Variants in SCD5 observed in about 807,000 individuals in gnomAD.
SCD5 encodes stearoyl-CoA desaturase 5, also known as acyl-CoA-desaturase 4.
In SCD5, 20 loss-of-function variants were observed where a neutral mutation model predicts 30.4. The ratio of observed to expected loss-of-function variants is 0.66; its 90% CI spans 0.46 to 0.96. The LOEUF is 0.96. Among genes scored for constraint, SCD5 ranks in the 40% least tolerant of loss-of-function variants. The pLI, the probability that SCD5 is intolerant of heterozygous loss-of-function variation, is 0.00. For missense variants in SCD5, 381 were observed against 443.3 expected, an observed-to-expected ratio of 0.86 and a Z score of 1.26; for synonymous variants, 173 against 176.4, an observed-to-expected ratio of 0.98 and a Z score of 0.16.
chr4:82,683,683 G>A (rs1326524002), intron 2 of SCD5, among the ~76,000 whole-genome samples: 1 of 152,192 alleles, frequency 6.6e-6, no homozygotes, highest in Non-Finnish European at 1.5e-5. Flanking sequence ...TGTGTTGAGG[G>A]AAGGACCTGG....
intron 1 of SCD5, among the ~76,000 whole-genome samples, chr4:82,762,320 T>C (rs1349550987): frequency 6.6e-6 from 1 of 151,560 alleles, no homozygotes; most frequent in Admixed American, 6.6e-5. Flanking sequence ...TGGTGTGACC[T>C]TGGCTCACTG....
In SCD5 at chr4:82,636,737, G is replaced by A. The variant is rs147312360; in HGVS notation, c.656C>T (p.Ser219Phe). The change falls in exon 4 of 5, where the codon TCC becomes TTC. Residue 219 changes from serine (S) to phenylalanine (F), a missense_variant. Coordinates refer to ENST00000319540, the MANE Select transcript of SCD5 (RefSeq NM_001037582.3). ...WYIWGESLWN[S>F]YFLASILRYT... ...GCGGAGAATAGAGGCCAAGAAGTAG[G>A]AATTCCACAGACTCTCTCCCCAGAT... The A allele has an allele frequency of 8.7e-6, 14 of 1,614,126 alleles. No individual in the cohort carries two copies. The highest frequency in any genetic ancestry group is 1.1e-5 in the Non-Finnish European group (13 of 1,180,048).
At chr4:82,660,929 CG>C in intron 3 of SCD5, 1 of 1,614,118 alleles carries the variant, frequency 6.2e-7, no homozygotes, top group Non-Finnish European at 8.5e-7. Context: ...CAGCACTTTT[CG>C]GAGTGGTTAC....
chr4:82,788,830 C>T (rs969949136), intron 1 of SCD5, among the ~76,000 whole-genome samples: 5 of 152,142 alleles, frequency 3.3e-5, no homozygotes, highest in African/African-American at 9.7e-5. Flanking sequence ...ATGTGCTGCC[C>T]GGAACTCTGG....
chr4:82,700,408 G>GA (rs1719803629), intron 2 of SCD5, among the ~76,000 whole-genome samples: 1 of 151,982 alleles, frequency 6.6e-6, no homozygotes, highest in South Asian at 2.1e-4. Context: ...TCAAACTGCA[G>GA]AAAATCAAAG....
chr4:82,636,895 G>T (rs1727445125), intron 3 of SCD5, 72 bp from the exon 4 acceptor site: 1 of 1,299,102 alleles, frequency 7.7e-7, no homozygotes, highest in Non-Finnish European at 1.1e-6. Flanking sequence ...CAAGTCACAG[G>T]AAAAGTCAGA....
chr4:82,763,329 T>C (rs1390155295), intron 1 of SCD5, among the ~76,000 whole-genome samples: 4 of 152,086 alleles, frequency 2.6e-5, no homozygotes, highest in Non-Finnish European at 5.9e-5. Context: ...CTGGCCAACA[T>C]GGTGAAACCC....
intron 2 of SCD5, among the ~76,000 whole-genome samples, chr4:82,691,421 G>A (rs1456106561): frequency 6.6e-6 from 1 of 152,166 alleles, no homozygotes; most frequent in Admixed American, 6.5e-5. Context: ...TAGAGGGAAG[G>A]ACTTGGAACA....
intron 2 of SCD5, 110 bp downstream of exon 2, chr4:82,705,173 G>T: frequency 1.5e-6 from 2 of 1,379,112 alleles, no homozygotes; most frequent in South Asian, 1.4e-5. Flanking sequence ...CTTGGGGCCT[G>T]AACACTGAGT....
intron 1 of SCD5, among the ~76,000 whole-genome samples, chr4:82,770,471 C>G (rs1189364500): frequency 6.6e-6 from 1 of 152,192 alleles, no homozygotes; most frequent in African/African-American, 2.4e-5. Context: ...TCTTACTATA[C>G]TTTCAGAGTA....
intron 2 of SCD5, among the ~76,000 whole-genome samples, chr4:82,686,435 T>C (rs1253681642): frequency 6.6e-6 from 1 of 152,214 alleles, no homozygotes; most frequent in African/African-American, 2.4e-5. Context: ...GAGCACTACA[T>C]ATCAAAAACC....
chr4:82,771,268 G>A (rs1264648176), intron 1 of SCD5, among the ~76,000 whole-genome samples: 1 of 152,062 alleles, frequency 6.6e-6, no homozygotes, highest in Non-Finnish European at 1.5e-5. Context: ...TGAGCTGACT[G>A]GTAGCTGGTT....
intron 1 of SCD5, chr4:82,775,637 G>A (rs1019671094): frequency 6.6e-6 from 1 of 152,252 alleles, no homozygotes; most frequent in Non-Finnish European, 1.5e-5. Flanking sequence ...GAGATACAAG[G>A]ATCACTTGAG....
intron 2 of SCD5, among the ~76,000 whole-genome samples, chr4:82,701,108 T>C (rs1396484625): frequency 6.6e-6 from 1 of 152,208 alleles, no homozygotes; most frequent in Non-Finnish European, 1.5e-5. Flanking sequence ...AAATTGGGAA[T>C]ACACTGTTAG....
At chr4:82,700,001 G>C (rs991085552) in intron 2 of SCD5, among the ~76,000 whole-genome samples, 1 of 151,818 alleles carries the variant, frequency 6.6e-6, no homozygotes, top group Non-Finnish European at 1.5e-5. Flanking sequence ...TGGATCACTT[G>C]AGGCCAGGAG....
At chr4:82,735,061 G>A (rs1337153637) in intron 1 of SCD5, among the ~76,000 whole-genome samples, 2 of 152,146 alleles carry the variant, frequency 1.3e-5, no homozygotes, top group African/African-American at 2.4e-5. Flanking sequence ...GAGCCACCAC[G>A]CCCAGCCTGA....
chr4:82,718,031 G>A (rs1405355042), intron 1 of SCD5, among the ~76,000 whole-genome samples: 1 of 149,558 alleles, frequency 6.7e-6, no homozygotes, highest in African/African-American at 2.5e-5. Flanking sequence ...AATAATTTCT[G>A]CTGTCATCAT....
At chr4:82,786,807 A>AC (rs1184981661) in intron 1 of SCD5, among the ~76,000 whole-genome samples, 2 of 151,722 alleles carry the variant, frequency 1.3e-5, no homozygotes, top group African/African-American at 2.4e-5. Context: ...AAAAAAAAAA[A>AC]AAAACAAGGC....
chr4:82,749,008 G>T (rs184630511), intron 1 of SCD5, among the ~76,000 whole-genome samples: 5 of 152,310 alleles, frequency 3.3e-5, no homozygotes, highest in African/African-American at 1.2e-4. Flanking sequence ...GGGGCAATTC[G>T]ACTAGGTCTA....
Sources: gnomAD v4.1 joint callset for allele counts (sites outside exome capture counted in the v4.1 genomes callset) on GRCh38, gnomAD v4.1.1 for gene constraint, MANE v1.5 for transcripts, NCBI Gene and HGNC (gene_info 2026-07-23, HGNC 2026-07-21) for gene names.